Variants in SLC22A8 observed in about 807,000 individuals in gnomAD.
SLC22A8 encodes solute carrier family 22 member 8.
In SLC22A8, 40 loss-of-function variants were observed where a neutral mutation model predicts 48.4. The ratio of observed to expected loss-of-function variants is 0.83; its 90% confidence interval spans 0.64 to 1.08. SLC22A8 has a LOEUF of 1.08. SLC22A8 is among the 50% of genes least tolerant of loss of function. SLC22A8 has a pLI of 0.00. For synonymous variants in SLC22A8, 268 were observed against 286.3 expected, an observed-to-expected ratio of 0.94 and a Z score of 0.65; for missense variants, 606 against 699.0, an observed-to-expected ratio of 0.87 and a Z score of 1.50.
intron 6 of SLC22A8, 64 bp from the exon 7 acceptor site, chr11:62,995,883 G>A (rs775141518): frequency 2.7e-6 from 4 of 1,501,824 alleles, no homozygotes; most frequent in Non-Finnish European, 2.8e-6. Context: ...CGAAGAGAGG[G>A]AGATGCAGGC....
At chr11:63,008,540 G>A (rs1489477516) in intron 2 of SLC22A8, among the ~76,000 whole-genome samples, 1 of 152,114 alleles carries the variant, frequency 6.6e-6, no homozygotes, top group Non-Finnish European at 1.5e-5. Flanking sequence ...CCTCCGTGTG[G>A]CTCAGCCTCT....
intron 5 of SLC22A8, among the ~76,000 whole-genome samples, chr11:62,997,780 C>A (rs1348581388): frequency 6.6e-6 from 1 of 152,230 alleles, no homozygotes; most frequent in Non-Finnish European, 1.5e-5. Flanking sequence ...GTTTCCTCAT[C>A]TGCAAAATGG....
At chr11:63,001,374 T>G (rs1345445604) in intron 2 of SLC22A8, among the ~76,000 whole-genome samples, 1 of 152,216 alleles carries the variant, frequency 6.6e-6, no homozygotes, top group Non-Finnish European at 1.5e-5. Flanking sequence ...CCAAATCCTT[T>G]GAACGAGGAG....
At position 62,992,865 on chromosome 11, in the gene SLC22A8, A is replaced by C; in HGVS notation, c.*372T>G. On this transcript the variant is annotated 3_prime_UTR_variant, in exon 11 of 11. Coordinates refer to ENST00000336232, the MANE Select transcript of SLC22A8 (RefSeq NM_004254.4). ...GTTTATTGAAACCTCCCATCAAAGA[A>C]AAGTGTGGGAGGCAAGAAGGGGAGG... 4.1e-6 allele frequency: 1 copy of C among 246,484 alleles called. No homozygotes were observed. The highest frequency in any genetic ancestry group is 7.8e-6 in the Non-Finnish European group (1 of 128,372). The allele number at this position is 246,484 out of a possible 1,614,324, so 15.3% of individuals were successfully genotyped here. A position where few individuals can be genotyped will look rare whatever the true frequency, so the allele number is the denominator to read the frequency against.
intron 2 of SLC22A8, among the ~76,000 whole-genome samples, chr11:63,002,512 T>C (rs1016643423): frequency 1.3e-5 from 2 of 152,282 alleles, no homozygotes. Context: ...CTTTGATCAG[T>C]AACTCCCCAT....
intron 2 of SLC22A8, among the ~76,000 whole-genome samples, chr11:63,011,704 T>A (rs1381276925): frequency 6.6e-6 from 1 of 152,104 alleles, no homozygotes; most frequent in African/African-American, 2.4e-5. Context: ...TGCTAACGGG[T>A]CTCCCTGCTG....
intron 2 of SLC22A8, among the ~76,000 whole-genome samples, chr11:63,012,576 G>A (rs2086631587): frequency 6.6e-6 from 1 of 152,164 alleles, no homozygotes; most frequent in African/African-American, 2.4e-5. Flanking sequence ...ACTCCAGGCT[G>A]GTTAGATAAC....
chr11:63,001,506 C>T (rs1038835278), intron 2 of SLC22A8, among the ~76,000 whole-genome samples: 1 of 152,208 alleles, frequency 6.6e-6, no homozygotes, highest in Non-Finnish European at 1.5e-5. Context: ...CACAATGGAA[C>T]GTCCCTAATC....
intron 8 of SLC22A8, chr11:62,994,167 T>C (rs550422755): frequency 1.9e-6 from 1 of 526,506 alleles, no homozygotes; most frequent in East Asian, 3.2e-5. Context: ...AACACCCATA[T>C]AAAATAAACG....
chr11:63,005,389 G>A (rs2086542737), intron 2 of SLC22A8, among the ~76,000 whole-genome samples: 1 of 152,230 alleles, frequency 6.6e-6, no homozygotes, highest in South Asian at 2.1e-4. Context: ...CACAGGGTAA[G>A]TGGCTTGCCC....
intron 8 of SLC22A8, chr11:62,994,292 A>G: frequency 1.8e-6 from 1 of 564,612 alleles, no homozygotes. Flanking sequence ...CACTCTCAAT[A>G]CCTCAAAAAT....
Position 63,002,091 on chromosome 11 carries a change from A to G in SLC22A8, c.334-1268T>C, listed in dbSNP as rs968394669. Among the ~76,000 whole-genome samples the G allele has an allele frequency of 2.6e-5, 4 of 152,006 alleles. No individual in the cohort carries two copies. In the East Asian group the frequency reaches 7.7e-4, roughly 29 times the overall value. ...ACACCTGGCTAATTTTGGATTTTGT[A>G]TATAGACAGGAGCTCACTATGTTGC... On this transcript the variant is annotated intron_variant, in intron 2 of 10. Transcript: ENST00000336232.
Position 63,014,610 on chromosome 11 carries a change from G to C in SLC22A8, c.333+16C>G, listed in dbSNP as rs756158129. On this transcript the variant is annotated intron_variant, in intron 2 of 10. Transcript: ENST00000336232. The stretch of plus-strand genomic sequence containing the variant: ...GTACGTGGGTAAGTGGAGGGAGAGG[G>C]TTTGCCCAGGCATACCTCTGTCACA... 3.2e-6 allele frequency: 5 copies of C among 1,566,670 alleles called. No individual in the cohort carries two copies. In the Admixed American group the frequency reaches 5.2e-5, roughly 16 times the overall value.
At chr11:62,995,467 TGGGTGA>T (rs2086404767) in intron 7 of SLC22A8, 1 of 553,044 alleles carries the variant, frequency 1.8e-6, no homozygotes, top group Non-Finnish European at 3.2e-6. Context: ...ATTTGTCCTG[TGGGTGA>T]GGGGTGGGGC....
At chr11:63,000,984 T>C (rs1483194322) in intron 2 of SLC22A8, 161 bp from the exon 3 acceptor site, 2 of 613,334 alleles carry the variant, frequency 3.3e-6, no homozygotes, top group South Asian at 1.8e-5. Flanking sequence ...TCGGAGCTCC[T>C]TGGGTTTGTC....
intron 2 of SLC22A8, among the ~76,000 whole-genome samples, chr11:63,007,712 A>G (rs2086572166): frequency 6.6e-6 from 1 of 152,222 alleles, no homozygotes; most frequent in South Asian, 2.1e-4. Flanking sequence ...AAAGGGTAGG[A>G]AACTCACTGC....
intron 2 of SLC22A8, 161 bp downstream of exon 2, chr11:63,014,465 G>C: frequency 1.7e-6 from 1 of 589,182 alleles, no homozygotes; most frequent in Non-Finnish European, 3.0e-6. Context: ...CAAGGGTCTT[G>C]GTGCATGAGC....
chr11:63,009,466 G>A (rs1025471936), intron 2 of SLC22A8, among the ~76,000 whole-genome samples: 15 of 152,136 alleles, frequency 9.9e-5, no homozygotes, highest in African/African-American at 3.4e-4. Flanking sequence ...TAGAGAGATG[G>A]GTCTTGCTCA....
chr11:63,003,074 T>C (rs1462463191), intron 2 of SLC22A8, among the ~76,000 whole-genome samples: 7 of 152,188 alleles, frequency 4.6e-5, no homozygotes, highest in Non-Finnish European at 1.0e-4. Flanking sequence ...GGCTTCTCCT[T>C]GCCCTTTCGG....
Sources: gnomAD v4.1 joint callset for allele counts (sites outside exome capture counted in the v4.1 genomes callset) on GRCh38, gnomAD v4.1.1 for gene constraint, MANE v1.5 for transcripts, NCBI Gene and HGNC (gene_info 2026-07-23, HGNC 2026-07-21) for gene names.